Variants in PTPRG observed in about 807,000 individuals in gnomAD.
PTPRG encodes receptor-type tyrosine-protein phosphatase gamma.
In PTPRG, 102 loss-of-function variants were observed where a neutral mutation model predicts 165.3. That is an observed-to-expected ratio of 0.62 (90% CI 0.53 to 0.73). The LOEUF (loss-of-function observed/expected upper bound fraction) is 0.73, where lower values mean the gene tolerates loss of function less well. Among genes scored for constraint, PTPRG ranks in the 30% least tolerant of loss-of-function variants. PTPRG has a pLI of 0.00. For missense variants in PTPRG, 1,866 were observed against 1,861.4 expected, an observed-to-expected ratio of 1.00 and a Z score of -0.05; for synonymous variants, 675 against 669.5, an observed-to-expected ratio of 1.01 and a Z score of -0.13.
At chr3:61,586,354 C>T (rs568020097) in intron 1 of PTPRG, among the ~76,000 whole-genome samples, 1 of 152,252 alleles carries the variant, frequency 6.6e-6, no homozygotes, top group East Asian at 1.9e-4. Context: ...ACCCAATTAG[C>T]AGGTCATTTT....
intron 1 of PTPRG, among the ~76,000 whole-genome samples, chr3:61,673,221 C>T (rs149463698): frequency 8.2e-4 from 125 of 152,308 alleles, no homozygotes; most frequent in African/African-American, 2.9e-3. Context: ...GTTGTCCCTG[C>T]ATGTAAAACA....
chr3:61,934,940 A>G (rs936791059), intron 2 of PTPRG, among the ~76,000 whole-genome samples: 12 of 152,212 alleles, frequency 7.9e-5, no homozygotes, highest in African/African-American at 2.9e-4. Flanking sequence ...GCTTAAATGA[A>G]TGAATGAAAT....
At chr3:62,209,867 G>C (rs1700316673) in intron 12 of PTPRG, among the ~76,000 whole-genome samples, 1 of 152,200 alleles carries the variant, frequency 6.6e-6, no homozygotes, top group African/African-American at 2.4e-5. Context: ...GATTTCCGGA[G>C]AGGTTGGAGT....
At chr3:62,148,899 G>A (rs912935675) in intron 6 of PTPRG, among the ~76,000 whole-genome samples, 8 of 152,174 alleles carry the variant, frequency 5.3e-5, no homozygotes, top group African/African-American at 1.9e-4. Flanking sequence ...TGGGCATAAG[G>A]AGAGCTAGAT....
chr3:62,289,305 G>A (rs780653132), intron 28 of PTPRG, among the ~76,000 whole-genome samples: 9 of 152,178 alleles, frequency 5.9e-5, no homozygotes, highest in Admixed American at 2.0e-4. Flanking sequence ...TACAACACAC[G>A]TTAGTGATCA....
At chr3:62,232,577 T>C (rs1018054452) in intron 14 of PTPRG, among the ~76,000 whole-genome samples, 2 of 152,234 alleles carry the variant, frequency 1.3e-5, no homozygotes, top group African/African-American at 4.8e-5. Flanking sequence ...CATCACCTTA[T>C]GAATATCACA....
intron 2 of PTPRG, among the ~76,000 whole-genome samples, chr3:61,782,800 T>A (rs1419908900): frequency 6.6e-6 from 1 of 152,260 alleles, no homozygotes; most frequent in East Asian, 1.9e-4. Context: ...TTTTGTTTTG[T>A]TTTGTTTTGT....
chr3:61,973,274 A>G (rs2040424719), intron 2 of PTPRG, among the ~76,000 whole-genome samples: 1 of 152,210 alleles, frequency 6.6e-6, no homozygotes, highest in South Asian at 2.1e-4. Flanking sequence ...GTTTTTCACA[A>G]CTAGGATCCA....
Position 62,213,772 on chromosome 3 carries a change from T to C in PTPRG, c.2156-5079T>C, listed in dbSNP as rs939091355. Among the ~76,000 whole-genome samples the C allele has an allele frequency of 1.3e-5, 2 of 152,186 alleles. No individual in the cohort carries two copies. The highest frequency in any genetic ancestry group is 4.8e-5 in the African/African-American group (2 of 41,440). ...CATGGATTGTCGGTGTCTGAGGGCA[T>C]ATAATGATATGGGTGTATACTCAGG... is the stretch of plus-strand genomic sequence containing the variant. On this transcript the variant is annotated intron_variant, in intron 12 of 29. Transcript: ENST00000474889. The surrounding 1 kb of genome is among the most constrained non-coding windows in gnomAD (Gnocchi z 4.4).
At chr3:61,964,906 C>G (rs1330283213) in intron 2 of PTPRG, among the ~76,000 whole-genome samples, 1 of 151,932 alleles carries the variant, frequency 6.6e-6, no homozygotes, top group Non-Finnish European at 1.5e-5. Flanking sequence ...ATTGTTCAGC[C>G]TTTAAAAAAA....
intron 8 of PTPRG, among the ~76,000 whole-genome samples, chr3:62,176,195 A>G (rs1430088004): frequency 6.6e-6 from 1 of 152,154 alleles, no homozygotes; most frequent in Non-Finnish European, 1.5e-5. Context: ...GTAAAAGTAT[A>G]AGTGATCATT....
chr3:62,277,340 T>TA (rs1299394660), intron 25 of PTPRG, among the ~76,000 whole-genome samples: 4 of 152,172 alleles, frequency 2.6e-5, no homozygotes, highest in Non-Finnish European at 4.4e-5. Context: ...ACAGCAGGGT[T>TA]AACTAGAAGT....
intron 2 of PTPRG, among the ~76,000 whole-genome samples, chr3:61,829,451 T>A (rs1402256477): frequency 6.6e-6 from 1 of 152,250 alleles, no homozygotes; most frequent in Non-Finnish European, 1.5e-5. Flanking sequence ...CATGCCTCAC[T>A]TAGCCCGATC....
Position 62,194,995 on chromosome 3 carries a change from C to G in PTPRG, c.1219-67C>G, listed in dbSNP as rs189962419. On this transcript the variant is annotated intron_variant, in intron 9 of 29. Coordinates refer to ENST00000474889, the MANE Select transcript of PTPRG (RefSeq NM_002841.4). ...GCATTGTCACGGCACTCAGGTTTGG[C>G]TTTAGAATGCAAAGTGTGCCTTGGC... is the stretch of plus-strand genomic sequence containing the variant. 2.1e-5 allele frequency: 32 copies of G among 1,488,750 alleles called. No individual in the cohort carries two copies. The African/African-American group carries it at 4.3e-4, about 20-fold the overall frequency. The allele number at this position is 1,488,750 out of a possible 1,614,324, so 92.2% of individuals were successfully genotyped here. A position where few individuals can be genotyped will look rare whatever the true frequency, so the allele number is the denominator to read the frequency against.
At chr3:61,831,052 C>G (rs1394476723) in intron 2 of PTPRG, among the ~76,000 whole-genome samples, 2 of 152,178 alleles carry the variant, frequency 1.3e-5, no homozygotes, top group African/African-American at 4.8e-5. Flanking sequence ...CTGATATTCT[C>G]AAGTTTTTGA....
intron 1 of PTPRG, among the ~76,000 whole-genome samples, chr3:61,736,540 AAAT>A (rs1177939205): frequency 6.6e-6 from 1 of 152,154 alleles, no homozygotes; most frequent in Non-Finnish European, 1.5e-5. Context: ...AAGTTTGTAA[AAAT>A]AATATCAAAA....
chr3:61,745,379 G>T (rs2033158711), intron 1 of PTPRG, among the ~76,000 whole-genome samples: 2 of 152,136 alleles, frequency 1.3e-5, no homozygotes, highest in African/African-American at 4.8e-5. Context: ...CACACACCAT[G>T]CGCTGATTTC....
At chr3:61,700,621 G>A (rs558357304) in intron 1 of PTPRG, among the ~76,000 whole-genome samples, 40 of 152,322 alleles carry the variant, frequency 2.6e-4, no homozygotes, top group African/African-American at 7.2e-4. Context: ...TTGGAAGATG[G>A]TGAAGTGAAC....
At chr3:62,072,249 TG>T (rs1293528494) in intron 4 of PTPRG, among the ~76,000 whole-genome samples, 1 of 152,194 alleles carries the variant, frequency 6.6e-6, no homozygotes, top group Non-Finnish European at 1.5e-5. Context: ...TTGACAGTAT[TG>T]GGATTCATGC....
Sources: gnomAD v4.1 joint callset for allele counts (sites outside exome capture counted in the v4.1 genomes callset) on GRCh38, gnomAD v4.1.1 for gene constraint, Gnocchi (gnomAD v3.1) non-coding constraint, MANE v1.5 for transcripts, NCBI Gene and HGNC (gene_info 2026-07-23, HGNC 2026-07-21) for gene names.